IQSEC1: variants seen among roughly 807,000 people sequenced by gnomAD.
IQSEC1 encodes the protein IQ motif and SEC7 domain-containing protein 1.
In IQSEC1, 31 loss-of-function variants were observed where a neutral mutation model predicts 91.0. The ratio of observed to expected loss-of-function variants is 0.34; its 90% confidence interval spans 0.26 to 0.46. The LOEUF (loss-of-function observed/expected upper bound fraction) is 0.46, where lower values mean the gene tolerates loss of function less well. IQSEC1 is among the 20% of genes least tolerant of loss of function. IQSEC1 has a pLI of 1.00. For missense variants in IQSEC1, 1,388 were observed against 1,575.6 expected (o/e 0.88, Z 2.02); for synonymous variants, 699 against 662.6 (o/e 1.05, Z -0.84).
At position 13,249,719 on chromosome 3, in the gene IQSEC1, G is replaced by A. The variant is rs78159344; in HGVS notation, c.272+32992C>T. Among the ~76,000 whole-genome samples, 1,414 of 152,250 alleles carry A rather than the reference G, an allele frequency of 9.3e-3. 21 individuals are homozygous for A. Among genetic ancestry groups the A allele is most frequent in the African/African-American group, 0.032 (1,345 of 41,532 alleles). On this transcript the variant is annotated intron_variant, in intron 1 of 15. Transcript: ENST00000648114. ...TTCTGAAAAACGAGGTGGGGGAGCC[G>A]GGGTCAAGGGGAGCGTAAGGTGAGA...
intron 6 of IQSEC1, 69 bp from the exon 7 acceptor site, chr3:12,915,802 A>C: frequency 6.4e-7 from 1 of 1,573,320 alleles, no homozygotes; most frequent in South Asian, 1.1e-5. Flanking sequence ...TTTCTAAAGC[A>C]AATCAGAGGA....
intron 1 of IQSEC1, among the ~76,000 whole-genome samples, chr3:12,971,875 AGC>A: frequency 1.3e-5 from 2 of 152,316 alleles, no homozygotes; most frequent in Middle Eastern, 6.8e-3. Flanking sequence ...TACAAAAATT[AGC>A]TGGGCGTGGT....
In IQSEC1 at chr3:13,269,489, A is replaced by G. The variant is rs772599201; in HGVS notation, c.272+13222T>C. Among the ~76,000 whole-genome samples the G allele has an allele frequency of 4.1e-4, 63 of 152,088 alleles. 1 individual carries two copies. The highest frequency in any genetic ancestry group is 8.1e-4 in the Non-Finnish European group (55 of 68,008). On this transcript the variant is annotated intron_variant, in intron 1 of 15. Transcript: ENST00000648114. Reference sequence around the variant, plus strand: ...GTGACTGGGCTGGGAAGCCCAGCCCACTCCCATCCCCTACCCAGGGAACAG... The same window carrying G: ...GTGACTGGGCTGGGAAGCCCAGCCCGCTCCCATCCCCTACCCAGGGAACAG...
chr3:13,034,750 G>C (rs1044594278), intron 1 of IQSEC1, among the ~76,000 whole-genome samples: 1 of 152,210 alleles, frequency 6.6e-6, no homozygotes, highest in Middle Eastern at 3.2e-3. Flanking sequence ...GGCCCTGCCA[G>C]TTTGGTCAAC....
At chr3:13,113,521 C>T (rs977951644) in intron 2 of IQSEC1, among the ~76,000 whole-genome samples, 6 of 152,224 alleles carry the variant, frequency 3.9e-5, no homozygotes, top group Non-Finnish European at 8.8e-5. Context: ...GAAGCCTGCA[C>T]CTGCCGCCCC....
chr3:13,147,749 C>A (rs1406493525), intron 2 of IQSEC1, among the ~76,000 whole-genome samples: 2 of 152,226 alleles, frequency 1.3e-5, no homozygotes, highest in Non-Finnish European at 2.9e-5. Context: ...CCTCCTGCCT[C>A]AGCCTCCCAA....
At chr3:13,117,743 G>A (rs769546339) in intron 2 of IQSEC1, among the ~76,000 whole-genome samples, 1 of 150,878 alleles carries the variant, frequency 6.6e-6, no homozygotes, top group Non-Finnish European at 1.5e-5. Flanking sequence ...AAATTAGCCG[G>A]GCGTGGTAGA....
At chr3:13,141,113 T>C (rs1220878973) in intron 2 of IQSEC1, among the ~76,000 whole-genome samples, 3 of 152,226 alleles carry the variant, frequency 2.0e-5, no homozygotes, top group Non-Finnish European at 4.4e-5. Flanking sequence ...CCGCTGACTA[T>C]GTTTTCCATG....
At chr3:13,226,943 G>A (rs1046935299) in intron 1 of IQSEC1, among the ~76,000 whole-genome samples, 14 of 152,162 alleles carry the variant, frequency 9.2e-5, no homozygotes, top group African/African-American at 3.4e-4. Flanking sequence ...ACACCCAGCA[G>A]AGTCCTCCCT....
intron 1 of IQSEC1, among the ~76,000 whole-genome samples, chr3:13,064,000 GTAAAAAAA>G (rs1200314644): frequency 7.5e-5 from 8 of 107,054 alleles, no homozygotes; most frequent in African/African-American, 2.0e-4. Context: ...ATTTGCAGTT[GTAAAAAAA>G]AAAAAAACAA....
intron 1 of IQSEC1, among the ~76,000 whole-genome samples, chr3:13,209,557 C>A (rs115892900): frequency 1.3e-5 from 2 of 152,174 alleles, no homozygotes; most frequent in Admixed American, 6.5e-5. Flanking sequence ...CAGCCCAGCA[C>A]CCCCATGCCC....
chr3:13,250,031 G>T (rs1442442331), intron 1 of IQSEC1, among the ~76,000 whole-genome samples: 1 of 152,246 alleles, frequency 6.6e-6, no homozygotes, highest in African/African-American at 2.4e-5. Context: ...CTTTGATGTG[G>T]AGCGGTCTCA....
chr3:12,923,911 G>C (rs886773844), intron 4 of IQSEC1, among the ~76,000 whole-genome samples: 1 of 152,240 alleles, frequency 6.6e-6, no homozygotes, highest in Non-Finnish European at 1.5e-5. Flanking sequence ...AGGGAGTTGG[G>C]AACCCATTTT....
chr3:13,164,060 C>G (rs557547168), intron 2 of IQSEC1, among the ~76,000 whole-genome samples: 2 of 152,154 alleles, frequency 1.3e-5, no homozygotes, highest in Non-Finnish European at 2.9e-5. Context: ...CGCCGCTCAC[C>G]GCCAGGATTC....
intron 12 of IQSEC1, among the ~76,000 whole-genome samples, chr3:12,907,492 T>G (rs1444557894): frequency 6.6e-6 from 1 of 152,176 alleles, no homozygotes; most frequent in Non-Finnish European, 1.5e-5. Flanking sequence ...AGAAGCTCGC[T>G]GACTGGTGGA....
intron 2 of IQSEC1, among the ~76,000 whole-genome samples, chr3:13,117,235 T>C (rs1706349551): frequency 7.2e-6 from 1 of 137,982 alleles, no homozygotes; most frequent in African/African-American, 2.7e-5. Context: ...ACATCACCAG[T>C]CATCAGAGAA....
At chr3:13,229,674 C>T (rs141540337) in intron 1 of IQSEC1, among the ~76,000 whole-genome samples, 302 of 152,290 alleles carry the variant, frequency 2.0e-3, no homozygotes, top group African/African-American at 6.4e-3. Flanking sequence ...CGTTCTTCCC[C>T]CTAAACTCGC....
At position 13,082,244 on chromosome 3, in the gene IQSEC1, C is replaced by T. The variant is rs893364086; in HGVS notation, c.303-34722G>A. Among the ~76,000 whole-genome samples the T allele has an allele frequency of 2.6e-5, 4 of 152,316 alleles. No individual in the cohort carries two copies. The East Asian group carries it at 5.8e-4, about 22-fold the overall frequency. On this transcript the variant is annotated intron_variant, in intron 2 of 15. Coordinates refer to the IQSEC1 transcript ENST00000648114. ...TGACAGTCTGATGATCTAATGTGTG[C>T]AGGTGCTAATCACAGCAAATGGCTG...
chr3:13,182,337 T>A (rs917684820), intron 1 of IQSEC1, among the ~76,000 whole-genome samples: 1 of 152,192 alleles, frequency 6.6e-6, no homozygotes, highest in Non-Finnish European at 1.5e-5. Context: ...ATGTAATTAA[T>A]CCATTCTGGG....
Sources: gnomAD v4.1 joint callset for allele counts (sites outside exome capture counted in the v4.1 genomes callset) on GRCh38, gnomAD v4.1.1 for gene constraint, MANE v1.5 for transcripts, NCBI Gene and HGNC (gene_info 2026-07-23, HGNC 2026-07-21) for gene names.